The following WIZ variants were observed in gnomAD, a reference collection of about 807,000 sequenced individuals.
WIZ encodes the protein protein Wiz.
A neutral mutation model predicts 140.2 loss-of-function variants in WIZ; 25 were observed. The ratio of observed to expected loss-of-function variants is 0.18; its 90% CI spans 0.13 to 0.25. The LOEUF (loss-of-function observed/expected upper bound fraction) is 0.25. WIZ is among the 10% of genes least tolerant of loss of function. WIZ has a pLI of 1.00. For missense variants in WIZ, 2,231 were observed against 2,632.6 expected, an observed-to-expected ratio of 0.85 and a Z score of 3.34; for synonymous variants, 1,125 against 1,154.3, an observed-to-expected ratio of 0.97 and a Z score of 0.51.
chr19:15,442,773 AG>A lies in WIZ; in HGVS notation c.206-26del. The A allele has an allele frequency of 8.1e-7, 1 of 1,229,340 alleles. No individual in the cohort carries two copies. 76.2% of individuals were successfully genotyped at this position (1,229,340 alleles called of 1,614,324 possible). On this transcript the variant is annotated intron_variant, in intron 2 of 12. Transcript: ENST00000673675. The surrounding 1 kb of genome is among the most constrained non-coding windows in gnomAD (Gnocchi z 5.5). ...TCTGCAACAGAGAGGGGAGACCCTG[AG>A]GGGCTGGGGTCCCCCTGGCCGGGGC... is the stretch of plus-strand genomic sequence containing the variant.
In WIZ at chr19:15,442,863, T is replaced by G; in HGVS notation, c.206-115A>C. ...CAGAAAGGCCCTGCTGGCTCCCAGT[T>G]CCTCTCCCTGAGAGGCCCGTGGCCT... On this transcript the variant is annotated intron_variant, in intron 2 of 12. Transcript: ENST00000673675. This position sits in a 1 kb window ranked among gnomAD's most constrained non-coding sequence, Gnocchi z 5.5. 1.8e-6 allele frequency: 1 copy of G among 550,070 alleles called. No homozygotes were observed. Among genetic ancestry groups the G allele is most frequent in the Non-Finnish European group, 2.7e-6 (1 of 365,080 alleles). The allele number at this position is 550,070 out of a possible 1,614,324, so 34.1% of individuals were successfully genotyped here.
Position 15,424,045 on chromosome 19 carries a change from A to G in WIZ, c.5510+138T>C. On this transcript the variant is annotated intron_variant, in intron 12 of 12. Transcript: ENST00000673675. This position sits in a 1 kb window ranked among gnomAD's most constrained non-coding sequence, Gnocchi z 9.7. The stretch of plus-strand genomic sequence containing the variant: ...TACAAAGCTCAGGGTGTCAGCCTTT[A>G]GCCTGAGCCCCACCACACCCAAGGG... The G allele has an allele frequency of 2.6e-6, 2 of 762,300 alleles. No homozygotes were observed. The highest frequency in any genetic ancestry group is 3.9e-5 in the Admixed American group (1 of 25,810). 47.2% of individuals were successfully genotyped at this position (762,300 alleles called of 1,614,324 possible). A position where few individuals can be genotyped will look rare whatever the true frequency, so the allele number is the denominator to read the frequency against.
chr19:15,425,846 GGAGGGAGGAGGGAGGAGGA>G lies in WIZ; in HGVS notation c.4367-97_4367-79del, dbSNP rs1568290481. On this transcript the variant is annotated intron_variant, in intron 9 of 12. Transcript: ENST00000673675. ...GAGGAGGGAGGAGGAGGGAGGAGGA[GGAGGGAGGAGGGAGGAGGA>G]GGAGGAGGAGGAGGAGGAGGAGGAG... 4.2e-4 allele frequency: 12 copies of G among 28,520 alleles called. 1 individual carries two copies. Among genetic ancestry groups the G allele is most frequent in the East Asian group, 5.1e-3 (2 of 392 alleles). 1.8% of individuals were successfully genotyped at this position (28,520 alleles called of 1,614,324 possible). A position where few individuals can be genotyped will look rare whatever the true frequency, so the allele number is the denominator to read the frequency against.
intron 4 of WIZ, among the ~76,000 whole-genome samples, chr19:15,437,657 TAAAAAG>T (rs1168590356): frequency 6.6e-6 from 1 of 152,164 alleles, no homozygotes; most frequent in Non-Finnish European, 1.5e-5. Context: ...CCCTGTCTCT[TAAAAAG>T]AGAAAGAAAG....
In WIZ at chr19:15,436,599, A is replaced by C. The variant is rs1359367070; in HGVS notation, c.2740+207T>G. 3 of 528,034 alleles carry C rather than the reference A, an allele frequency of 5.7e-6. No homozygotes were observed. In the African/African-American group the frequency reaches 6.0e-5, roughly 11 times the overall value. 32.7% of individuals were successfully genotyped at this position (528,034 alleles called of 1,614,324 possible). On this transcript the variant is annotated intron_variant, in intron 5 of 12. Transcript: ENST00000673675. ...GGAAAGATAGTGAAAAACTGGATCC[A>C]GAAAGAGACCTGGCCCAGATCCTGA...
intron 12 of WIZ, among the ~76,000 whole-genome samples, chr19:15,423,651 T>A (rs1018565567): frequency 6.6e-6 from 1 of 152,190 alleles, no homozygotes; most frequent in Non-Finnish European, 1.5e-5. Context: ...CCAAGCTCCA[T>A]GGCTCAAGAC....
Position 15,425,563 on chromosome 19 carries a change from C to A in WIZ, c.4572G>T (p.Pro1524=). 2 of 1,613,150 alleles carry A rather than the reference C, an allele frequency of 1.2e-6. No individual in the cohort carries two copies. The highest frequency in any genetic ancestry group is 1.7e-6 in the Non-Finnish European group (2 of 1,179,650). ...CCAGGGCAGGGGCCAGGTCTCCAGC[C>A]GGTGGCTCCTTCTTGATGAGGCACG... ...SKPCLIKKEP[P]AGDLAPALAE... The change falls in exon 10 of 13, where the codon CCG becomes CCT. Residue 1524 remains proline (P), a synonymous_variant. Coordinates refer to ENST00000673675, the MANE Select transcript of WIZ (RefSeq NM_001371589.1).
chr19:15,440,115 C>A lies in WIZ; in HGVS notation c.879G>T (p.Leu293=), dbSNP rs1969678956. Residue 293 remains leucine, a synonymous_variant, in exon 4 of 13, where the codon CTG becomes CTT. Coordinates refer to ENST00000673675, the MANE Select transcript of WIZ (RefSeq NM_001371589.1). This position sits in a 1 kb window ranked among gnomAD's most constrained non-coding sequence, Gnocchi z 6.2. ...CCACCCCTTCGGCCACCTCCTCCAG[C>A]AGCTCACACAGGTAGGGCCCGGTCC... The part of the protein sequence containing the change: ...PIRTGPYLCE[L]LEEVAEGVAS... 8 of 1,533,936 alleles carry A rather than the reference C, an allele frequency of 5.2e-6. No homozygotes were observed. The East Asian group carries it at 2.0e-4, about 38-fold the overall frequency.
At position 15,438,921 on chromosome 19, in the gene WIZ, C is replaced by G. The variant is rs764871643; in HGVS notation, c.2073G>C (p.Gly691=). The change falls in exon 4 of 13, where the codon GGG becomes GGC. Residue 691 remains glycine, a synonymous_variant. Transcript: ENST00000673675. ...CCCTGGCTGCCGCCATGACCTGCGGCCCCAGCTTCGCCACGAGCACAATGG... is the reference window on the plus strand; with the variant it reads ...CCCTGGCTGCCGCCATGACCTGCGGGCCCAGCTTCGCCACGAGCACAATGG... ...MVPIVLVAKL[G]PQVMAAARVP... is the part of the protein sequence containing the mutation. The G allele has an allele frequency of 3.5e-6, 5 of 1,445,606 alleles. No individual in the cohort carries two copies. Among genetic ancestry groups the G allele is most frequent in the Non-Finnish European group, 4.5e-6 (5 of 1,100,820 alleles). 89.5% of individuals were successfully genotyped at this position (1,445,606 alleles called of 1,614,324 possible). A position where few individuals can be genotyped will look rare whatever the true frequency, so the allele number is the denominator to read the frequency against.
rs944912943 is a variant in WIZ, at chr19:15,424,040, C to T, written c.5510+143G>A. On this transcript the variant is annotated intron_variant, in intron 12 of 12. Transcript: ENST00000673675. The surrounding 1 kb of genome is among the most constrained non-coding windows in gnomAD (Gnocchi z 9.7). ...CAGGCTACAAAGCTCAGGGTGTCAG[C>T]CTTTAGCCTGAGCCCCACCACACCC... 56 of 722,912 alleles carry T rather than the reference C, an allele frequency of 7.7e-5. No homozygotes were observed. The African/African-American group carries it at 9.9e-4, about 13-fold the overall frequency. The allele number at this position is 722,912 out of a possible 1,614,324, so 44.8% of individuals were successfully genotyped here. A position where few individuals can be genotyped will look rare whatever the true frequency, so the allele number is the denominator to read the frequency against.
At position 15,442,730 on chromosome 19, in the gene WIZ, C is replaced by T; in HGVS notation, c.224G>A (p.Gly75Asp). 8.1e-7 allele frequency: 1 copy of T among 1,232,354 alleles called. No individual in the cohort carries two copies. Among genetic ancestry groups the T allele is most frequent in the African/African-American group, 1.5e-5 (1 of 64,530 alleles). The allele number at this position is 1,232,354 out of a possible 1,614,324, so 76.3% of individuals were successfully genotyped here. A position where few individuals can be genotyped will look rare whatever the true frequency, so the allele number is the denominator to read the frequency against. ...GACACGGGGGAGGGCTTCGCTGAGG[C>T]CGGGATGGGGCTGCCCGTCTGCAAC... ...GGISDGQPHPGLSEALPRVTS... is the reference protein window; with the variant it reads ...GGISDGQPHPDLSEALPRVTS... The change falls in exon 3 of 13, where the codon GGC (glycine) becomes GAC (aspartate). Residue 75 changes from glycine (G) to aspartate (D), a missense_variant. Physicochemically the swap from Gly to Asp is moderately conservative, Grantham distance 94 (BLOSUM62 -1). Around this residue, in one of 15 missense-constraint regions of WIZ, gnomAD observed 16 missense variants for 39.7 expected, o/e 0.40. Coordinates refer to ENST00000673675, the MANE Select transcript of WIZ (RefSeq NM_001371589.1). The surrounding 1 kb of genome is among the most constrained non-coding windows in gnomAD (Gnocchi z 5.5).
chr19:15,430,597 G>A (rs1193068785), intron 6 of WIZ, among the ~76,000 whole-genome samples: 1 of 152,146 alleles, frequency 6.6e-6, no homozygotes, highest in Non-Finnish European at 1.5e-5. Context: ...AAGAGCAAGG[G>A]CCAAATTCAT....
At chr19:15,432,754 C>CGCCGAGT (rs1319199339) in intron 5 of WIZ, among the ~76,000 whole-genome samples, 5 of 151,360 alleles carry the variant, frequency 3.3e-5, no homozygotes, top group African/African-American at 4.8e-5. Context: ...AGCAGCTGAG[C>CGCCGAGT]GCCGAGTGCC....
chr19:15,422,967 T>G lies in WIZ; in HGVS notation c.*109A>C. On this transcript the variant is annotated 3_prime_UTR_variant, in exon 13 of 13. Transcript: ENST00000673675. Reference sequence around the variant, plus strand: ...CCCCAAGGGGCGCCGGTTTGAGGTTTTGGCTTGCTCCTTTGGAAACGGAAA... The same window carrying G: ...CCCCAAGGGGCGCCGGTTTGAGGTTGTGGCTTGCTCCTTTGGAAACGGAAA... 1 of 1,486,138 alleles carries G rather than the reference T, an allele frequency of 6.7e-7. No homozygotes were observed. The highest frequency in any genetic ancestry group is 8.9e-7 in the Non-Finnish European group (1 of 1,117,328). The allele number at this position is 1,486,138 out of a possible 1,614,324, so 92.1% of individuals were successfully genotyped here. A position where few individuals can be genotyped will look rare whatever the true frequency, so the allele number is the denominator to read the frequency against.
rs1174008529 is a variant in WIZ, at chr19:15,438,801, CCCCAGCGGGCCG to C, written c.2181_2192del (p.Gly728_Gly731del). The C allele has an allele frequency of 6.6e-7, 1 of 1,518,642 alleles. No individual in the cohort carries two copies. The highest frequency in any genetic ancestry group is 1.4e-5 in the African/African-American group (1 of 72,670). 94.1% of individuals were successfully genotyped at this position (1,518,642 alleles called of 1,614,324 possible). A position where few individuals can be genotyped will look rare whatever the true frequency, so the allele number is the denominator to read the frequency against. ...GATCCCCATCCAGGAGTGTGTCCAGCCCCAGCGGGCCGCCCAGCGGCGCGTCCAGGAGCAGGA... is the reference window on the plus strand; with the variant it reads ...GATCCCCATCCAGGAGTGTGTCCAGCCCCAGCGGCGCGTCCAGGAGCAGGA... On this transcript the variant is annotated inframe_deletion, in exon 4 of 13. Coordinates refer to ENST00000673675, the MANE Select transcript of WIZ (RefSeq NM_001371589.1).
In WIZ at chr19:15,425,351, C is replaced by G; in HGVS notation, c.4784G>C (p.Arg1595Pro). ...GAGGAGGCGGTCCTCCTGCAGGGGC[C>G]GCTTGGCTGCCACTGAGCCCAGGTA... is the stretch of plus-strand genomic sequence containing the variant. ...TGYLGSVAAK[R>P]PLQEDRLLPA... The change falls in exon 10 of 13, where the codon CGG (arginine) becomes CCG (proline). Residue 1595 changes from arginine (R) to proline (P), a missense_variant. Transcript: ENST00000673675. The G allele has an allele frequency of 5.8e-6, 9 of 1,558,468 alleles. No individual in the cohort carries two copies. The highest frequency in any genetic ancestry group is 7.8e-6 in the Non-Finnish European group (9 of 1,151,474).
intron 2 of WIZ, among the ~76,000 whole-genome samples, chr19:15,445,039 G>T (rs746135025): frequency 3.1e-4 from 47 of 152,250 alleles, no homozygotes; most frequent in Non-Finnish European, 5.3e-4. Context: ...AGACACCTTG[G>T]GGGTGGGGGC....
At chr19:15,443,896 T>TGGGACCCCCTCCC (rs1969826958) in intron 2 of WIZ, among the ~76,000 whole-genome samples, 1 of 152,112 alleles carries the variant, frequency 6.6e-6, no homozygotes, top group Non-Finnish European at 1.5e-5. Context: ...AATCCCCTCC[T>TGGGACCCCCTCCC]GGGACCCCCT....
Position 15,439,237 on chromosome 19 carries a change from G to T in WIZ, c.1757C>A (p.Ala586Glu). ...GAGCTGTAAGGAGTAGGGGGTGGAT[G>T]CTAGTGTGGAGGGAAAGGCCAGCCT... ...LGRLAFPSTL[A>E]STPYSLQLGR... Residue 586 changes from alanine (A) to glutamate (E), a missense_variant, in exon 4 of 13, where the codon GCA (alanine) becomes GAA (glutamate). By Grantham distance (107) the Ala-to-Glu change is moderately radical (BLOSUM62 -1). Around this residue, in one of 15 missense-constraint regions of WIZ, gnomAD observed 475 missense variants for 520.2 expected, o/e 0.91. Transcript: ENST00000673675. The surrounding 1 kb of genome is among the most constrained non-coding windows in gnomAD (Gnocchi z 7.0). The T allele has an allele frequency of 6.5e-7, 1 of 1,535,612 alleles. No homozygotes were observed. The highest frequency in any genetic ancestry group is 2.0e-5 in the Admixed American group (1 of 50,926).
Sources: gnomAD v4.1 joint callset for allele counts (sites outside exome capture counted in the v4.1 genomes callset) on GRCh38, gnomAD v4.1.1 for gene constraint, gnomAD v4.1.1 regional missense constraint, Gnocchi (gnomAD v3.1) non-coding constraint, MANE v1.5 for transcripts, NCBI Gene and HGNC (gene_info 2026-07-23, HGNC 2026-07-21) for gene names.